Variants in MYO16 observed in about 807,000 individuals in gnomAD.
The protein encoded by MYO16 is myosin XVI, also known as unconventional myosin-XVI.
MYO16 carries 94 observed loss-of-function variants against 205.3 expected under a neutral mutation model. The observed-to-expected ratio is 0.46, with a 90% CI of 0.39 to 0.54. The LOEUF is 0.54. MYO16 is among the 20% of genes least tolerant of loss of function. MYO16 has a pLI of 0.00. For missense variants in MYO16, 2,315 were observed against 2,387.5 expected (o/e 0.97, Z 0.63); for synonymous variants, 988 against 954.0 (o/e 1.04, Z -0.66).
At chr13:108,747,404 T>C (rs1265413039) in intron 4 of MYO16, among the ~76,000 whole-genome samples, 1 of 152,108 alleles carries the variant, frequency 6.6e-6, no homozygotes, top group Non-Finnish European at 1.5e-5. Flanking sequence ...GAGAAGGGTG[T>C]GGGAATGCTG....
chr13:109,186,532 A>C (rs969317910), intron 34 of MYO16, among the ~76,000 whole-genome samples: 1 of 152,224 alleles, frequency 6.6e-6, no homozygotes, highest in South Asian at 2.1e-4. Context: ...GTAGTTTACA[A>C]CTTCACTAGA....
intron 16 of MYO16, among the ~76,000 whole-genome samples, chr13:108,928,921 A>T (rs528395400): frequency 6.6e-6 from 1 of 152,224 alleles, no homozygotes; most frequent in Non-Finnish European, 1.5e-5. Flanking sequence ...CAAAATCAGA[A>T]ATTGTACAGG....
In MYO16 at chr13:109,018,977, T is replaced by G. The variant is rs866644846; in HGVS notation, c.2596-734T>G. On this transcript the variant is annotated intron_variant, in intron 22 of 34. Transcript: ENST00000457511. ...GACATACTCTGTTTTTTTTTTTGTT[T>G]TTTTTTTTTTGAGGCAGGGTTGCGT... Among the ~76,000 whole-genome samples the G allele has an allele frequency of 2.6e-4, 39 of 151,486 alleles. No homozygotes were observed. In the Middle Eastern group the frequency reaches 0.014, roughly 53 times the overall value.
At chr13:109,107,816 A>ATATTATATTATATTC (rs1398279162) in intron 28 of MYO16, among the ~76,000 whole-genome samples, 23 of 145,156 alleles carry the variant, frequency 1.6e-4, no homozygotes, top group Non-Finnish European at 3.1e-4. Flanking sequence ...TATTCATATT[A>ATATTATATTATATTC]TATTATATTA....
At chr13:108,881,303 T>G (rs196143) in intron 12 of MYO16, among the ~76,000 whole-genome samples, 1 of 152,006 alleles carries the variant, frequency 6.6e-6, no homozygotes, top group Non-Finnish European at 1.5e-5. Context: ...CTATCATCAA[T>G]GACCAAAGGT....
the MYO16 span, among the ~76,000 whole-genome samples, chr13:108,523,348 A>G: frequency 2.0e-5 from 3 of 152,158 alleles, no homozygotes; most frequent in African/African-American, 4.8e-5. Context: ...CCTCCATCGT[A>G]TCTGTTTCCA....
At chr13:109,052,797 G>A (rs889194824) in intron 25 of MYO16, among the ~76,000 whole-genome samples, 48 of 152,058 alleles carry the variant, frequency 3.2e-4, no homozygotes, top group African/African-American at 1.1e-3. Flanking sequence ...GGCTTAGAGG[G>A]AGTAAACTTA....
At chr13:108,930,170 T>C (rs1594404576) in intron 16 of MYO16, among the ~76,000 whole-genome samples, 1 of 152,200 alleles carries the variant, frequency 6.6e-6, no homozygotes, top group African/African-American at 2.4e-5. Flanking sequence ...TAATTGTGTA[T>C]AGATGGATTG....
chr13:108,868,276 G>A (rs1196280795), intron 12 of MYO16, among the ~76,000 whole-genome samples: 1 of 152,072 alleles, frequency 6.6e-6, no homozygotes. Context: ...AGAAATTCTA[G>A]TTGCTTCTCT....
At chr13:108,814,745 C>T (rs1003920362) in intron 7 of MYO16, among the ~76,000 whole-genome samples, 2 of 151,978 alleles carry the variant, frequency 1.3e-5, no homozygotes, top group Admixed American at 1.3e-4. Flanking sequence ...ATAGGGCATA[C>T]TATTGAAAAC....
chr13:109,064,662 T>C (rs150615892), intron 27 of MYO16, among the ~76,000 whole-genome samples: 9 of 152,288 alleles, frequency 5.9e-5, no homozygotes, highest in Admixed American at 6.5e-5. Context: ...AGCCCAGATC[T>C]AGGATATGCT....
rs770461836 is a variant in MYO16 at position 108,838,506 on chromosome 13, T to TA, written c.1098-5822dup. 5.3e-3 allele frequency among the ~76,000 whole-genome samples: 645 copies of TA among 122,674 alleles called. 6 individuals carry two copies. The highest frequency in any genetic ancestry group is 0.014 in the African/African-American group (465 of 33,404). 80.5% of individuals were successfully genotyped at this position (122,674 alleles called of 152,430 possible). A position where few individuals can be genotyped will look rare whatever the true frequency, so the allele number is the denominator to read the frequency against. ...ATGAAACCCTGTCTCTAGTAAAAAT[T>TA]AAAAAAAAAAAAAAAGCTTGGCATG... is the stretch of plus-strand genomic sequence containing the variant. On this transcript the variant is annotated intron_variant, in intron 9 of 34. Coordinates refer to ENST00000457511, the MANE Select transcript of MYO16 (RefSeq NM_001198950.3).
chr13:108,910,754 A>G (rs1881216593), intron 16 of MYO16, among the ~76,000 whole-genome samples: 1 of 152,168 alleles, frequency 6.6e-6, no homozygotes. Context: ...GATTTGCATT[A>G]GGATGAGAAC....
intron 2 of MYO16, among the ~76,000 whole-genome samples, chr13:108,670,004 T>C (rs1376167941): frequency 2.6e-5 from 4 of 152,182 alleles, no homozygotes; most frequent in Non-Finnish European, 5.9e-5. Flanking sequence ...GATGGGTTGA[T>C]AGGTGCAGCA....
chr13:108,559,429 C>G, the MYO16 span, among the ~76,000 whole-genome samples: 7 of 151,120 alleles, frequency 4.6e-5, no homozygotes, highest in East Asian at 1.4e-3. Context: ...GCGTTTTAAG[C>G]GACCCAGTTT....
rs370369088 is a variant in MYO16, at chr13:108,853,123, G to A, written c.1249-2320G>A. The stretch of plus-strand genomic sequence containing the variant: ...AGTTCCTTCGCCTAAGGGCTACGCC[G>A]AAGGCAGCATCACTTCTATGGTCGC... On this transcript the variant is annotated intron_variant, in intron 10 of 34. Transcript: ENST00000457511. 5.6e-4 allele frequency among the ~76,000 whole-genome samples: 86 copies of A among 152,316 alleles called. 1 individual carries two copies. The highest frequency in any genetic ancestry group is 4.6e-3 in the East Asian group (24 of 5,184).
At chr13:108,538,161 T>C in the MYO16 span, among the ~76,000 whole-genome samples, 1 of 152,080 alleles carries the variant, frequency 6.6e-6, no homozygotes, top group African/African-American at 2.4e-5. Context: ...ACAAAATATA[T>C]TTATGTATGG....
At chr13:108,523,401 C>T in the MYO16 span, among the ~76,000 whole-genome samples, 1 of 152,312 alleles carries the variant, frequency 6.6e-6, no homozygotes, top group Middle Eastern at 3.4e-3. Context: ...GATGCCAGTG[C>T]CCTGGCCGGC....
At chr13:108,800,592 T>C (rs1038465891) in intron 6 of MYO16, among the ~76,000 whole-genome samples, 1 of 152,218 alleles carries the variant, frequency 6.6e-6, no homozygotes, top group Non-Finnish European at 1.5e-5. Flanking sequence ...AAAGCTGAGA[T>C]AGTAAAAATC....
Sources: allele counts gnomAD v4.1 joint callset (sites outside exome capture counted in the v4.1 genomes callset), GRCh38; gene constraint gnomAD v4.1.1; transcripts MANE v1.5; gene names NCBI Gene and HGNC (gene_info 2026-07-23, HGNC 2026-07-21).